Variants in ZNF438 observed in about 807,000 individuals in gnomAD.
The protein encoded by ZNF438 is zinc finger protein 438.
A neutral mutation model predicts 38.0 loss-of-function variants in ZNF438; 25 were observed. The ratio of observed to expected loss-of-function variants is 0.66; its 90% confidence interval spans 0.48 to 0.92. ZNF438 has a LOEUF of 0.92. ZNF438 is among the 40% of genes least tolerant of loss of function. ZNF438 has a pLI of 0.00. For missense variants in ZNF438, 1,007 were observed against 999.6 expected (o/e 1.01, Z -0.10); for synonymous variants, 372 against 364.1 (o/e 1.02, Z -0.25).
intron 1 of ZNF438, among the ~76,000 whole-genome samples, chr10:30,982,025 GCT>G (rs1457517696): frequency 6.6e-6 from 1 of 151,422 alleles, no homozygotes. Flanking sequence ...TTTCTTGTTT[GCT>G]TGTTTTGTGT....
At chr10:30,993,866 G>C (rs1463773110) in intron 1 of ZNF438, among the ~76,000 whole-genome samples, 1 of 152,268 alleles carries the variant, frequency 6.6e-6, no homozygotes. Flanking sequence ...GCCCAACCCT[G>C]CACCCGTGTG....
chr10:30,968,762 T>C (rs1261353331), intron 1 of ZNF438, among the ~76,000 whole-genome samples: 1 of 152,064 alleles, frequency 6.6e-6, no homozygotes, highest in Non-Finnish European at 1.5e-5. Flanking sequence ...AACTTTATTA[T>C]AGCCTAGCTA....
At chr10:30,888,777 T>C (rs2040294666) in intron 3 of ZNF438, among the ~76,000 whole-genome samples, 1 of 152,240 alleles carries the variant, frequency 6.6e-6, no homozygotes. Context: ...GTACCACTGA[T>C]GGGCATTTTA....
chr10:30,963,060 A>G (rs1344697205), intron 1 of ZNF438, among the ~76,000 whole-genome samples: 1 of 152,218 alleles, frequency 6.6e-6, no homozygotes, highest in Non-Finnish European at 1.5e-5. Context: ...AAATAGGACT[A>G]AAATAGTTTG....
At chr10:30,961,468 A>G (rs1178195911) in intron 1 of ZNF438, among the ~76,000 whole-genome samples, 1 of 145,844 alleles carries the variant, frequency 6.9e-6, no homozygotes, top group Non-Finnish European at 1.6e-5. Context: ...GCCTGAAACA[A>G]ATGATTTGTG....
chr10:30,896,374 T>C (rs775944562), intron 3 of ZNF438, among the ~76,000 whole-genome samples: 3 of 151,442 alleles, frequency 2.0e-5, no homozygotes, highest in Non-Finnish European at 4.4e-5. Flanking sequence ...CATAGCAGCA[T>C]TTTTCATAGT....
chr10:30,895,290 G>A (rs1409842519), intron 3 of ZNF438, among the ~76,000 whole-genome samples: 3 of 152,208 alleles, frequency 2.0e-5, no homozygotes, highest in Non-Finnish European at 4.4e-5. Flanking sequence ...AGTGGATGAA[G>A]CAACACTTCG....
At chr10:30,987,544 C>A (rs780990405) in intron 1 of ZNF438, among the ~76,000 whole-genome samples, 13 of 152,054 alleles carry the variant, frequency 8.5e-5, no homozygotes, top group Non-Finnish European at 1.8e-4. Context: ...ACCTTAAATT[C>A]TTATGCTGAA....
At chr10:30,848,813 T>C (rs763715003) in exon 5 of ZNF438, 1 of 1,614,150 alleles carries the variant, frequency 6.2e-7, no homozygotes, top group South Asian at 1.1e-5. Flanking sequence ...AGGGCGTCTG[T>C]TGGTGTGTGT....
intron 1 of ZNF438, among the ~76,000 whole-genome samples, chr10:31,030,077 T>C (rs2057187314): frequency 6.6e-6 from 1 of 152,226 alleles, no homozygotes; most frequent in Admixed American, 6.5e-5. Flanking sequence ...AAATTTAATT[T>C]AGTGTTCAGA....
chr10:30,915,522 T>A (rs1353788396), intron 2 of ZNF438, among the ~76,000 whole-genome samples: 28 of 152,150 alleles, frequency 1.8e-4, no homozygotes, highest in East Asian at 3.9e-4. Flanking sequence ...GGGTAAGCCC[T>A]TAACATTTAA....
intron 2 of ZNF438, among the ~76,000 whole-genome samples, chr10:30,929,501 C>T (rs1018265259): frequency 1.3e-5 from 2 of 152,180 alleles, no homozygotes; most frequent in African/African-American, 4.8e-5. Flanking sequence ...ATTGTTACAG[C>T]TCATAAAGGC....
At chr10:30,929,558 TGAAA>T (rs2045383527) in intron 2 of ZNF438, among the ~76,000 whole-genome samples, 1 of 152,070 alleles carries the variant, frequency 6.6e-6, no homozygotes, top group African/African-American at 2.4e-5. Context: ...TTGCAAAGAG[TGAAA>T]GAACAAAGCT....
intron 3 of ZNF438, among the ~76,000 whole-genome samples, chr10:30,883,632 G>C (rs2039562109): frequency 6.6e-6 from 1 of 152,046 alleles, no homozygotes; most frequent in African/African-American, 2.4e-5. Flanking sequence ...ACACTTTTGG[G>C]GGCAGAGGTG....
intron 1 of ZNF438, among the ~76,000 whole-genome samples, chr10:30,947,870 C>T (rs1280448442): frequency 8.7e-5 from 13 of 148,782 alleles, no homozygotes; most frequent in Non-Finnish European, 1.9e-4. Flanking sequence ...GGCAATGCCT[C>T]GCCCTGCTTC....
chr10:30,923,601 C>T (rs2044576128), intron 2 of ZNF438, among the ~76,000 whole-genome samples: 2 of 152,184 alleles, frequency 1.3e-5, no homozygotes, highest in African/African-American at 4.8e-5. Context: ...ATCTTCAACA[C>T]CTGTTGTGTC....
intron 2 of ZNF438, among the ~76,000 whole-genome samples, chr10:30,926,355 A>G (rs1306488835): frequency 1.3e-5 from 2 of 152,212 alleles, no homozygotes; most frequent in South Asian, 2.1e-4. Context: ...TATGGAGAAA[A>G]GAGATGAACA....
Position 30,875,380 on chromosome 10 carries a change from G to C in ZNF438, c.37+1618C>G, listed in dbSNP as rs1588941903. 5.1e-6 allele frequency: 5 copies of C among 984,702 alleles called. No homozygotes were observed. The African/African-American group carries it at 7.0e-5, about 14-fold the overall frequency. 61.0% of individuals were successfully genotyped at this position (984,702 alleles called of 1,614,324 possible). A position where few individuals can be genotyped will look rare whatever the true frequency, so the allele number is the denominator to read the frequency against. Reference sequence around the variant, plus strand: ...CTAGTCATTCTCGATTTTTCAATGAGAAAACTGAGGCTCAGGGGCAAAATA... The same window carrying C: ...CTAGTCATTCTCGATTTTTCAATGACAAAACTGAGGCTCAGGGGCAAAATA... On this transcript the variant is annotated intron_variant, in intron 4 of 5. Coordinates refer to ENST00000413025, the Ensembl canonical transcript of ZNF438.
intron 1 of ZNF438, among the ~76,000 whole-genome samples, chr10:30,951,009 G>T (rs2048123293): frequency 7.2e-6 from 1 of 138,940 alleles, no homozygotes; most frequent in Admixed American, 7.4e-5. Context: ...ATAAAATACT[G>T]GCAAAACGAA....
Sources: gnomAD v4.1 joint callset for allele counts (sites outside exome capture counted in the v4.1 genomes callset) on GRCh38, gnomAD v4.1.1 for gene constraint, MANE v1.5 for transcripts, NCBI Gene and HGNC (gene_info 2026-07-23, HGNC 2026-07-21) for gene names.